The following ANKRD11 variants were observed in gnomAD, a reference collection of about 807,000 sequenced individuals.
The protein encoded by ANKRD11 is ankyrin repeat domain 11.
Under a neutral mutation model 195.7 loss-of-function variants are expected in ANKRD11, and 17 were observed. That is an observed-to-expected ratio of 0.09 (90% CI 0.06 to 0.13). The LOEUF is 0.13. ANKRD11 is among the 10% of genes least tolerant of loss of function. The pLI is 1.00. For synonymous variants in ANKRD11, 1,953 were observed against 1,528.1 expected (o/e 1.28, Z -6.49); for missense variants, 3,735 against 3,566.1 (o/e 1.05, Z -1.21).
intron 2 of ANKRD11, among the ~76,000 whole-genome samples, chr16:89,398,573 A>G (rs1053148825): frequency 2.0e-5 from 3 of 152,112 alleles, no homozygotes; most frequent in Admixed American, 1.3e-4. Context: ...TTTTTTTAAC[A>G]AAACAATAAA....
chr16:89,376,727 C>G (rs765926844), intron 2 of ANKRD11, among the ~76,000 whole-genome samples: 12 of 152,244 alleles, frequency 7.9e-5, no homozygotes, highest in Non-Finnish European at 1.6e-4. Flanking sequence ...GCGTGCGCCA[C>G]CACGCCTGGC....
chr16:89,287,964 A>C, intron 7 of ANKRD11: 1 of 463,568 alleles, frequency 2.2e-6, no homozygotes, highest in Non-Finnish European at 3.8e-6. Context: ...GACCCGCCGC[A>C]TCTCCAGGCA....
chr16:89,389,337 G>A (rs574689893), intron 2 of ANKRD11, among the ~76,000 whole-genome samples: 8 of 151,914 alleles, frequency 5.3e-5, no homozygotes, highest in Non-Finnish European at 1.2e-4. Context: ...CAACTTTGCT[G>A]TAAACCTAAA....
At chr16:89,375,481 T>TG (rs1199655226) in intron 2 of ANKRD11, among the ~76,000 whole-genome samples, 14 of 151,076 alleles carry the variant, frequency 9.3e-5, no homozygotes, top group African/African-American at 3.4e-4. Context: ...TTTTTGGAGA[T>TG]GGAGTTTCAC....
Position 89,274,799 on chromosome 16 carries a change from G to A in ANKRD11, c.7713+15C>T. 1 of 1,608,104 alleles carries A rather than the reference G, an allele frequency of 6.2e-7. No homozygotes were observed. The highest frequency in any genetic ancestry group is 8.5e-7 in the Non-Finnish European group (1 of 1,179,818). On this transcript the variant is annotated intron_variant, in intron 11 of 12. Coordinates refer to ENST00000301030, the MANE Select transcript of ANKRD11 (RefSeq NM_013275.6). ...GCACTTGGACTCATGGGCCTGGCAT[G>A]CAGACGGGCCCTACCTGGCTCTCCA...
At chr16:89,489,158 C>T (rs2057717541) in intron 1 of ANKRD11, 1 of 152,026 alleles carries the variant, frequency 6.6e-6, no homozygotes, top group South Asian at 2.1e-4. Flanking sequence ...CAAGAGTTAA[C>T]AGTACAATCC....
At chr16:89,474,052 AG>A (rs1365738263) in intron 1 of ANKRD11, among the ~76,000 whole-genome samples, 1 of 152,230 alleles carries the variant, frequency 6.6e-6, no homozygotes, top group Non-Finnish European at 1.5e-5. Flanking sequence ...CTAAGAGTCA[AG>A]AGGAGACCTC....
chr16:89,310,472 C>A (rs1490286956), intron 3 of ANKRD11, among the ~76,000 whole-genome samples: 1 of 152,130 alleles, frequency 6.6e-6, no homozygotes, highest in African/African-American at 2.4e-5. Flanking sequence ...GAATTTCTAC[C>A]CAAAAAAGCC....
Position 89,283,596 on chromosome 16 carries a change from C to T in ANKRD11, c.2946G>A (p.Glu982=). The T allele has an allele frequency of 6.2e-7, 1 of 1,610,012 alleles. No homozygotes were observed. Among genetic ancestry groups the T allele is most frequent in the Non-Finnish European group, 8.5e-7 (1 of 1,179,946 alleles). ...HREELKECGC[E]SGFKDKSDGD... ...CGTCGGACTTGTCCTTGAAGCCACTCTCGCAGCCACACTCCTTCAGCTCCT... is the reference window on the plus strand; with the variant it reads ...CGTCGGACTTGTCCTTGAAGCCACTTTCGCAGCCACACTCCTTCAGCTCCT... The change falls in exon 9 of 13, where the codon GAG becomes GAA. Residue 982 remains glutamate, a synonymous_variant. Coordinates refer to ENST00000301030, the MANE Select transcript of ANKRD11 (RefSeq NM_013275.6). The surrounding 1 kb of genome is among the most constrained non-coding windows in gnomAD (Gnocchi z 4.3).
At chr16:89,383,523 T>C (rs150228924) in intron 2 of ANKRD11, among the ~76,000 whole-genome samples, 231 of 152,334 alleles carry the variant, frequency 1.5e-3, no homozygotes, top group African/African-American at 5.3e-3. Flanking sequence ...TGCTGCCTCC[T>C]GTGTCTGCAA....
chr16:89,361,436 T>G (rs1484442439), intron 2 of ANKRD11: 2 of 152,294 alleles, frequency 1.3e-5, no homozygotes, highest in African/African-American at 4.8e-5. Flanking sequence ...GTCTTCATCA[T>G]CATTCAACTT....
At chr16:89,381,390 G>C (rs1449972909) in intron 2 of ANKRD11, among the ~76,000 whole-genome samples, 2 of 143,178 alleles carry the variant, frequency 1.4e-5, no homozygotes. Context: ...CAGACTATTA[G>C]AAGCAAGACA....
chr16:89,420,956 C>G (rs2042485754), intron 1 of ANKRD11, among the ~76,000 whole-genome samples: 2 of 152,252 alleles, frequency 1.3e-5, no homozygotes, highest in South Asian at 4.1e-4. Flanking sequence ...AAGCACCAGG[C>G]TACACTTCTT....
At chr16:89,469,254 C>T (rs1481591664) in intron 1 of ANKRD11, among the ~76,000 whole-genome samples, 4 of 152,060 alleles carry the variant, frequency 2.6e-5, no homozygotes, top group African/African-American at 9.7e-5. Context: ...TGGAGTCTCA[C>T]TCTGTCGCCC....
At chr16:89,397,152 C>CA (rs552883530) in intron 2 of ANKRD11, among the ~76,000 whole-genome samples, 68 of 152,254 alleles carry the variant, frequency 4.5e-4, no homozygotes, top group African/African-American at 1.6e-3. Context: ...CAGACATACC[C>CA]ACAGAGCCAG....
chr16:89,442,898 C>T (rs1025653460), intron 1 of ANKRD11, among the ~76,000 whole-genome samples: 1 of 152,230 alleles, frequency 6.6e-6, no homozygotes, highest in Non-Finnish European at 1.5e-5. Context: ...CACTCAACAC[C>T]TCACCACAGC....
chr16:89,319,583 G>A (rs201505226), intron 2 of ANKRD11, among the ~76,000 whole-genome samples: 6 of 152,188 alleles, frequency 3.9e-5, no homozygotes, highest in Non-Finnish European at 5.9e-5. Context: ...ACATGTTACC[G>A]ATGGCAGCGA....
At chr16:89,274,348 G>A (rs76883380) in intron 11 of ANKRD11, among the ~76,000 whole-genome samples, 1,533 of 152,302 alleles carry the variant, frequency 0.01, 28 homozygotes, top group African/African-American at 0.031. Context: ...CTGGGTGCCC[G>A]TGTTCCCTTA....
intron 3 of ANKRD11, among the ~76,000 whole-genome samples, chr16:89,312,032 G>A (rs1170873275): frequency 1.3e-5 from 2 of 152,102 alleles, no homozygotes; most frequent in African/African-American, 4.8e-5. Context: ...TGAGTAGCTG[G>A]GATTACAGGC....
Sources: allele counts gnomAD v4.1 joint callset (sites outside exome capture counted in the v4.1 genomes callset), GRCh38; gene constraint gnomAD v4.1.1; non-coding constraint Gnocchi (gnomAD v3.1); transcripts MANE v1.5; gene names NCBI Gene and HGNC (gene_info 2026-07-23, HGNC 2026-07-21).